The following ARMH3 variants were observed in gnomAD, a reference collection of about 807,000 sequenced individuals.
ARMH3 encodes the protein armadillo like helical domain containing 3, also known as armadillo-like helical domain-containing protein 3.
In ARMH3, 60 loss-of-function variants were observed where a neutral mutation model predicts 99.1. That is an observed-to-expected ratio of 0.61 (90% confidence interval 0.49 to 0.75). The LOEUF (loss-of-function observed/expected upper bound fraction) is 0.75. Ranked by LOEUF, ARMH3 falls within the 30% of genes least tolerant of loss-of-function variation. The pLI is 0.00. For missense variants in ARMH3, 679 were observed against 843.1 expected (o/e 0.81, Z 2.41); for synonymous variants, 285 against 292.8 (o/e 0.97, Z 0.27).
intron 23 of ARMH3, among the ~76,000 whole-genome samples, chr10:101,936,032 C>T (rs1430211282): frequency 6.6e-6 from 1 of 152,126 alleles, no homozygotes; most frequent in African/African-American, 2.4e-5. Context: ...ACCATTGGTT[C>T]ACTGGAGTAC....
At chr10:102,033,657 A>G (rs2067186467) in intron 2 of ARMH3, among the ~76,000 whole-genome samples, 2 of 152,102 alleles carry the variant, frequency 1.3e-5, no homozygotes, top group Admixed American at 6.5e-5. Flanking sequence ...TGACCTCATG[A>G]TCCGCCCGCC....
chr10:101,994,695 C>T (rs1366685094), intron 16 of ARMH3, among the ~76,000 whole-genome samples: 1 of 152,154 alleles, frequency 6.6e-6, no homozygotes, highest in African/African-American at 2.4e-5. Context: ...CTTTACTATC[C>T]ACCCCTTCAC....
At chr10:101,866,087 G>A (rs562319252) in intron 24 of ARMH3, among the ~76,000 whole-genome samples, 1 of 152,038 alleles carries the variant, frequency 6.6e-6, no homozygotes, top group Non-Finnish European at 1.5e-5. Context: ...CGGGTGTGGT[G>A]GCACTTGCCT....
intron 2 of ARMH3, among the ~76,000 whole-genome samples, chr10:102,036,949 G>C (rs559376400): frequency 6.6e-6 from 1 of 151,636 alleles, no homozygotes; most frequent in East Asian, 1.9e-4. Context: ...CTACTTGGGA[G>C]GCTGAGGCAG....
intron 22 of ARMH3, among the ~76,000 whole-genome samples, chr10:101,954,284 C>A (rs1319784295): frequency 1.3e-5 from 2 of 152,194 alleles, no homozygotes; most frequent in African/African-American, 2.4e-5. Flanking sequence ...AACTGGAAAC[C>A]TTCCAAATGT....
chr10:101,923,137 G>A (rs986268285), intron 23 of ARMH3, among the ~76,000 whole-genome samples: 1 of 152,140 alleles, frequency 6.6e-6, no homozygotes, highest in African/African-American at 2.4e-5. Flanking sequence ...ATGTATAATC[G>A]AGGTAAAATT....
In ARMH3 at chr10:101,889,404, T is replaced by C; in HGVS notation, c.1860+8A>G. 6.2e-7 allele frequency: 1 copy of C among 1,609,832 alleles called. No individual in the cohort carries two copies. The highest frequency in any genetic ancestry group is 8.5e-7 in the Non-Finnish European group (1 of 1,176,046). ...CAACTAGGTCATCTGGGGAAAGTAG[T>C]GGCTTACCTGCTCCTCTGACAGTTG... On this transcript the variant is annotated splice_region_variant and intron_variant, in intron 24 of 25. Coordinates refer to ENST00000370033, the MANE Select transcript of ARMH3 (RefSeq NM_024541.3).
At chr10:101,901,943 T>C (rs1236231276) in intron 23 of ARMH3, among the ~76,000 whole-genome samples, 3 of 152,196 alleles carry the variant, frequency 2.0e-5, no homozygotes, top group Non-Finnish European at 4.4e-5. Flanking sequence ...GAAAGAAATA[T>C]TACTAGGGAA....
rs971458943 is a variant in ARMH3, at chr10:101,940,452, CT to C, written c.1706-515del. 1.5e-3 allele frequency among the ~76,000 whole-genome samples: 214 copies of C among 146,846 alleles called. 1 individual carries two copies. Among genetic ancestry groups the C allele is most frequent in the African/African-American group, 3.8e-3 (152 of 40,174 alleles). On this transcript the variant is annotated intron_variant, in intron 22 of 25. Transcript: ENST00000370033. ...GGTCATGTGTCAATCAAGGATTAAC[CT>C]TTTTTTTTTTAATTATACTTTAAGT...
intron 24 of ARMH3, among the ~76,000 whole-genome samples, chr10:101,860,261 TATATAG>T (rs2066835425): frequency 6.6e-6 from 1 of 151,838 alleles, no homozygotes; most frequent in African/African-American, 2.4e-5. Context: ...TAGATATAGA[TATATAG>T]ATATAGATGA....
At chr10:101,944,155 T>C (rs1285926839) in intron 22 of ARMH3, among the ~76,000 whole-genome samples, 2 of 143,592 alleles carry the variant, frequency 1.4e-5, no homozygotes, top group African/African-American at 5.2e-5. Flanking sequence ...AATGGAAATA[T>C]TAAAAAAGAA....
chr10:101,975,846 C>A (rs1176090959), intron 19 of ARMH3, among the ~76,000 whole-genome samples: 1 of 144,512 alleles, frequency 6.9e-6, no homozygotes, highest in African/African-American at 2.6e-5. Flanking sequence ...GGCAACAGAG[C>A]GAGATTACAT....
chr10:101,866,612 T>C (rs1208346920), intron 24 of ARMH3, among the ~76,000 whole-genome samples: 2 of 152,166 alleles, frequency 1.3e-5, no homozygotes, highest in South Asian at 2.1e-4. Flanking sequence ...GATGCAGCTT[T>C]TATGTGGATG....
intron 23 of ARMH3, among the ~76,000 whole-genome samples, chr10:101,935,457 C>T (rs1214007124): frequency 3.9e-5 from 6 of 152,080 alleles, no homozygotes; most frequent in African/African-American, 7.2e-5. Flanking sequence ...CCGAGTGTGA[C>T]GAAGTACTTT....
intron 20 of ARMH3, among the ~76,000 whole-genome samples, chr10:101,969,459 T>C (rs1320797017): frequency 6.6e-6 from 1 of 152,228 alleles, no homozygotes; most frequent in East Asian, 1.9e-4. Context: ...TTGAAAAATT[T>C]CAGTCCTGTA....
chr10:101,942,113 C>A (rs1461499225), intron 22 of ARMH3, among the ~76,000 whole-genome samples: 8 of 152,176 alleles, frequency 5.3e-5, no homozygotes, highest in African/African-American at 1.7e-4. Context: ...TTTTTACATT[C>A]TTTTCTAAGC....
chr10:101,913,595 G>T (rs569272298), intron 23 of ARMH3, among the ~76,000 whole-genome samples: 13 of 152,000 alleles, frequency 8.6e-5, no homozygotes, highest in Non-Finnish European at 1.5e-4. Flanking sequence ...CAAACTCCTG[G>T]GCTCAAGTGA....
chr10:101,922,108 C>T (rs1005366050), intron 23 of ARMH3, among the ~76,000 whole-genome samples: 1 of 152,160 alleles, frequency 6.6e-6, no homozygotes, highest in Admixed American at 6.5e-5. Flanking sequence ...CCTACAAAAA[C>T]ATATAAATAT....
intron 24 of ARMH3, among the ~76,000 whole-genome samples, chr10:101,851,366 A>C (rs2066596499): frequency 6.6e-6 from 1 of 152,192 alleles, no homozygotes; most frequent in South Asian, 2.1e-4. Context: ...AGACCAAGAA[A>C]GGGGATGATC....
Sources: gnomAD v4.1 joint callset for allele counts (sites outside exome capture counted in the v4.1 genomes callset) on GRCh38, gnomAD v4.1.1 for gene constraint, MANE v1.5 for transcripts, NCBI Gene and HGNC (gene_info 2026-07-23, HGNC 2026-07-21) for gene names.